Variants in RALYL observed in about 807,000 individuals in gnomAD.
The protein encoded by RALYL is RNA-binding Raly-like protein.
In RALYL, 29 loss-of-function variants were observed where a neutral mutation model predicts 35.1. The ratio of observed to expected loss-of-function variants is 0.83; its 90% CI spans 0.61 to 1.13. The LOEUF (loss-of-function observed/expected upper bound fraction) is 1.13, where lower values mean the gene tolerates loss of function less well. Ranked by LOEUF, RALYL falls within the 50% of genes most tolerant of loss-of-function variation. RALYL has a pLI of 0.00. For synonymous variants in RALYL, 120 were observed against 127.6 expected (o/e 0.94, Z 0.40); for missense variants, 359 against 360.4 (o/e 1.00, Z 0.03).
intron 2 of RALYL, among the ~76,000 whole-genome samples, chr8:84,706,639 C>A (rs1466728370): frequency 1.3e-5 from 2 of 152,144 alleles, no homozygotes; most frequent in Non-Finnish European, 2.9e-5. Flanking sequence ...GAGTCATCTG[C>A]AGTCTTCCCT....
chr8:84,733,749 CTG>C (rs1237871763), intron 2 of RALYL, among the ~76,000 whole-genome samples: 1 of 152,100 alleles, frequency 6.6e-6, no homozygotes, highest in Non-Finnish European at 1.5e-5. Context: ...GGGAAAGTAT[CTG>C]TCAAATCTTT....
intron 1 of RALYL, among the ~76,000 whole-genome samples, chr8:84,443,020 A>G (rs2048498116): frequency 6.6e-6 from 1 of 152,146 alleles, no homozygotes. Context: ...AAGGCTAAAT[A>G]TGTCAATGTT....
At chr8:84,222,112 C>A (rs1480443989) in intron 1 of RALYL, among the ~76,000 whole-genome samples, 5 of 151,966 alleles carry the variant, frequency 3.3e-5, no homozygotes, top group African/African-American at 1.2e-4. Context: ...CCTTCATGAG[C>A]TGATATTAAT....
chr8:84,507,989 A>C (rs1360599253), intron 1 of RALYL, among the ~76,000 whole-genome samples: 1 of 152,186 alleles, frequency 6.6e-6, no homozygotes, highest in Admixed American at 6.6e-5. Context: ...TCTATGTCAA[A>C]GAATCGAAAT....
At chr8:84,386,410 GTAATA>G (rs1168842292) in intron 1 of RALYL, among the ~76,000 whole-genome samples, 1 of 151,810 alleles carries the variant, frequency 6.6e-6, no homozygotes, top group Non-Finnish European at 1.5e-5. Context: ...TTAATTGGTG[GTAATA>G]TAATTGTTAA....
chr8:84,398,405 T>A (rs1298037551), intron 1 of RALYL, among the ~76,000 whole-genome samples: 1 of 152,120 alleles, frequency 6.6e-6, no homozygotes, highest in Non-Finnish European at 1.5e-5. Flanking sequence ...GTCTCTTGAA[T>A]AAAGCGAAAT....
chr8:84,778,246 C>T (rs995650293), intron 3 of RALYL, among the ~76,000 whole-genome samples: 4 of 152,174 alleles, frequency 2.6e-5, no homozygotes, highest in South Asian at 2.1e-4. Flanking sequence ...TTCTTCTTCA[C>T]GTACATCCAC....
intron 1 of RALYL, among the ~76,000 whole-genome samples, chr8:84,271,626 G>A (rs1282061860): frequency 6.6e-6 from 1 of 151,608 alleles, no homozygotes; most frequent in Non-Finnish European, 1.5e-5. Context: ...GAATAAATAT[G>A]GTGTATCCAT....
At chr8:84,845,162 T>A (rs1834362257) in intron 4 of RALYL, among the ~76,000 whole-genome samples, 1 of 152,200 alleles carries the variant, frequency 6.6e-6, no homozygotes, top group African/African-American at 2.4e-5. Context: ...GTATTTCCTT[T>A]GTGAGCTTAT....
Position 84,286,096 on chromosome 8 carries a change from T to A in RALYL, c.-24+101672T>A, listed in dbSNP as rs1417907703. Reference sequence around the variant, plus strand: ...CAGTTTAACTGGTGGGGTTTGCTGATGATTGAGTTTATGGTATGAGAGAAA... The same window carrying A: ...CAGTTTAACTGGTGGGGTTTGCTGAAGATTGAGTTTATGGTATGAGAGAAA... On this transcript the variant is annotated intron_variant, in intron 1 of 8. Coordinates refer to ENST00000521268, the MANE Select transcript of RALYL (RefSeq NM_173848.7). Among the ~76,000 whole-genome samples the A allele has an allele frequency of 2.0e-5, 3 of 152,096 alleles. No individual in the cohort carries two copies. The East Asian group carries it at 5.8e-4, about 29-fold the overall frequency.
chr8:84,217,660 G>A (rs538355951), intron 1 of RALYL, among the ~76,000 whole-genome samples: 4 of 152,126 alleles, frequency 2.6e-5, no homozygotes, highest in African/African-American at 7.2e-5. Context: ...CATATGTAGT[G>A]GGAATTCTCA....
chr8:84,249,785 T>A (rs1829820945), intron 1 of RALYL, among the ~76,000 whole-genome samples: 1 of 152,058 alleles, frequency 6.6e-6, no homozygotes, highest in African/African-American at 2.4e-5. Flanking sequence ...TAGAAGATTC[T>A]AAGTCCATTG....
rs76073785 is a variant in RALYL, at chr8:84,238,471, C to T, written c.-24+54047C>T. ...TGATGCCACATGCATCCTAGGTGCA[C>T]GGTTAAATTAACATTTGCTGCCTGA... On this transcript the variant is annotated intron_variant, in intron 1 of 8. Coordinates refer to ENST00000521268, the MANE Select transcript of RALYL (RefSeq NM_173848.7). Among the ~76,000 whole-genome samples the T allele has an allele frequency of 7.0e-3, 1,063 of 152,070 alleles. 7 individuals carry two copies. The highest frequency in any genetic ancestry group is 0.017 in the Middle Eastern group (5 of 294).
chr8:84,649,009 T>C (rs1320082354), intron 2 of RALYL, among the ~76,000 whole-genome samples: 1 of 152,028 alleles, frequency 6.6e-6, no homozygotes, highest in East Asian at 1.9e-4. Flanking sequence ...GAGTAAATAT[T>C]TGTTAAATGA....
intron 7 of RALYL, among the ~76,000 whole-genome samples, chr8:84,875,815 T>C (rs1244210299): frequency 6.6e-6 from 1 of 152,184 alleles, no homozygotes; most frequent in African/African-American, 2.4e-5. Context: ...ATTACAATGC[T>C]TAATTAGTTG....
At chr8:84,631,500 C>T (rs1425472575) in intron 2 of RALYL, among the ~76,000 whole-genome samples, 1 of 151,916 alleles carries the variant, frequency 6.6e-6, no homozygotes, top group Non-Finnish European at 1.5e-5. Flanking sequence ...CTTTTGAAAC[C>T]TGTGTAACAC....
chr8:84,303,252 T>C (rs956985092), intron 1 of RALYL, among the ~76,000 whole-genome samples: 3 of 152,232 alleles, frequency 2.0e-5, no homozygotes, highest in African/African-American at 7.2e-5. Context: ...GTAGTTGTTA[T>C]TGAAATTATG....
chr8:84,506,966 T>C (rs777745482), intron 1 of RALYL, among the ~76,000 whole-genome samples: 2 of 152,100 alleles, frequency 1.3e-5, no homozygotes, highest in Non-Finnish European at 2.9e-5. Flanking sequence ...TGTATTTATG[T>C]AATCAGAGTA....
chr8:84,500,769 G>T (rs1303551239), intron 1 of RALYL, among the ~76,000 whole-genome samples: 4 of 152,124 alleles, frequency 2.6e-5, no homozygotes, highest in Admixed American at 2.6e-4. Context: ...GTGATGCTGG[G>T]TGTTCTGGCA....
Sources: gnomAD v4.1 joint callset for allele counts (sites outside exome capture counted in the v4.1 genomes callset) on GRCh38, gnomAD v4.1.1 for gene constraint, MANE v1.5 for transcripts, NCBI Gene and HGNC (gene_info 2026-07-23, HGNC 2026-07-21) for gene names.